CACNA2D2: variants seen among roughly 807,000 people sequenced by gnomAD.
The protein encoded by CACNA2D2 is calcium voltage-gated channel auxiliary subunit alpha2delta 2, also known as voltage-dependent calcium channel subunit alpha-2/delta-2.
Under a neutral mutation model 166.4 loss-of-function variants are expected in CACNA2D2, and 48 were observed. That is an observed-to-expected ratio of 0.29 (90% CI 0.23 to 0.37). CACNA2D2 has a LOEUF of 0.37. Ranked by LOEUF, CACNA2D2 falls within the 10% of genes least tolerant of loss-of-function variation. The probability of loss-of-function intolerance (pLI) is 1.00; values close to 1 mark genes in which losing one functional copy is unlikely to be tolerated. For synonymous variants in CACNA2D2, 561 were observed against 573.7 expected, an observed-to-expected ratio of 0.98 and a Z score of 0.32; for missense variants, 1,122 against 1,433.0, an observed-to-expected ratio of 0.78 and a Z score of 3.50.
intron 1 of CACNA2D2, among the ~76,000 whole-genome samples, chr3:50,494,541 A>C (rs917182617): frequency 2.0e-5 from 3 of 152,208 alleles, no homozygotes; most frequent in Admixed American, 2.0e-4. Flanking sequence ...CTGAAACAGC[A>C]CAGGGACATC....
At chr3:50,377,924 G>A in intron 15 of CACNA2D2, 84 bp downstream of exon 15, 3 of 1,511,820 alleles carry the variant, frequency 2.0e-6, no homozygotes, top group Non-Finnish European at 2.7e-6. Context: ...ACCCCATAAG[G>A]GGGCCCTCCA....
intron 4 of CACNA2D2, among the ~76,000 whole-genome samples, chr3:50,392,490 C>A (rs1575619494): frequency 6.6e-6 from 1 of 152,158 alleles, no homozygotes; most frequent in Admixed American, 6.5e-5. Context: ...TGAACAAGGC[C>A]GGGCCCAGGT....
chr3:50,392,223 T>C (rs1167508005), intron 4 of CACNA2D2, among the ~76,000 whole-genome samples: 1 of 152,186 alleles, frequency 6.6e-6, no homozygotes, highest in Non-Finnish European at 1.5e-5. Context: ...TCCCCTGGCA[T>C]GGACAGTCCC....
chr3:50,426,163 T>A (rs1707800138), intron 3 of CACNA2D2, among the ~76,000 whole-genome samples: 1 of 152,184 alleles, frequency 6.6e-6, no homozygotes, highest in Non-Finnish European at 1.5e-5. Flanking sequence ...AACTGTGACG[T>A]TGCCTCACCC....
intron 3 of CACNA2D2, among the ~76,000 whole-genome samples, chr3:50,421,867 A>G (rs1707579394): frequency 6.6e-6 from 1 of 152,024 alleles, no homozygotes; most frequent in Non-Finnish European, 1.5e-5. Flanking sequence ...AGTGACTGGG[A>G]ACTGCTCACT....
At chr3:50,447,599 C>G (rs1258450201) in intron 2 of CACNA2D2, among the ~76,000 whole-genome samples, 1 of 152,174 alleles carries the variant, frequency 6.6e-6, no homozygotes, top group Non-Finnish European at 1.5e-5. Context: ...GGAGACCCCT[C>G]AACAGAGGCT....
In CACNA2D2 at chr3:50,376,102, C is replaced by T. The variant is rs767739198; in HGVS notation, c.1701+12G>A. The T allele has an allele frequency of 1.6e-5, 26 of 1,613,416 alleles. No individual in the cohort carries two copies. In the South Asian group the frequency reaches 2.0e-4, roughly 12 times the overall value. ...AGGTTTGCCCACCCTCCAGGCCACC[C>T]GTCTGGCTCACCTGGGGCTTGAGAT... On this transcript the variant is annotated intron_variant, in intron 18 of 37. Coordinates refer to ENST00000424201, the MANE Select transcript of CACNA2D2 (RefSeq NM_006030.4). The surrounding 1 kb of genome is among the most constrained non-coding windows in gnomAD (Gnocchi z 4.3).
intron 3 of CACNA2D2, among the ~76,000 whole-genome samples, chr3:50,411,974 C>A (rs1270263040): frequency 1.3e-5 from 2 of 152,230 alleles, no homozygotes; most frequent in Non-Finnish European, 2.9e-5. Context: ...CCACAACCCC[C>A]AAACACCTTC....
chr3:50,368,285 C>G, intron 23 of CACNA2D2, 50 bp from the exon 24 acceptor site: 1 of 1,167,938 alleles, frequency 8.6e-7, no homozygotes, highest in Non-Finnish European at 1.3e-6. Flanking sequence ...CTGGACAGGG[C>G]AATGGGGTCA....
chr3:50,386,599 G>A (rs946580977), intron 5 of CACNA2D2, among the ~76,000 whole-genome samples: 10 of 152,146 alleles, frequency 6.6e-5, no homozygotes, highest in African/African-American at 9.7e-5. Flanking sequence ...GCCCTCCTGC[G>A]GCTCTCCCAG....
intron 22 of CACNA2D2, among the ~76,000 whole-genome samples, chr3:50,370,888 C>T (rs1013573699): frequency 6.6e-5 from 10 of 152,042 alleles, no homozygotes; most frequent in African/African-American, 9.7e-5. Flanking sequence ...CTTTCTTTGC[C>T]GCAGCTGTTT....
rs544568630 is a variant in CACNA2D2, at chr3:50,436,556, T to C, written c.289-2127A>G. Among the ~76,000 whole-genome samples, 6 of 152,286 alleles carry C rather than the reference T, an allele frequency of 3.9e-5. No homozygotes were observed. In the East Asian group the frequency reaches 9.6e-4, roughly 24 times the overall value. ...ACAGGTGACATGAGGCCTTGGAAGC[T>C]GAGACTCTGCCAAAAGTCACTCATC... On this transcript the variant is annotated intron_variant, in intron 2 of 37. Coordinates refer to ENST00000424201, the MANE Select transcript of CACNA2D2 (RefSeq NM_006030.4).
chr3:50,501,530 G>T (rs1016802324), intron 1 of CACNA2D2, among the ~76,000 whole-genome samples: 1 of 152,210 alleles, frequency 6.6e-6, no homozygotes, highest in African/African-American at 2.4e-5. Flanking sequence ...TGGGGACAGA[G>T]GGATAGGTGC....
Position 50,379,677 on chromosome 3 carries a change from G to A in CACNA2D2, c.993+48C>T, listed in dbSNP as rs1291265985. 6.2e-7 allele frequency: 1 copy of A among 1,611,830 alleles called. No individual in the cohort carries two copies. Among genetic ancestry groups the A allele is most frequent in the Non-Finnish European group, 8.5e-7 (1 of 1,178,522 alleles). On this transcript the variant is annotated intron_variant, in intron 10 of 37. Coordinates refer to ENST00000424201, the MANE Select transcript of CACNA2D2 (RefSeq NM_006030.4). The surrounding 1 kb of genome is among the most constrained non-coding windows in gnomAD (Gnocchi z 6.5). Reference sequence around the variant, plus strand: ...GGGCTGGTGATGGTCACAGGAGCAGGGCAGATGGGGTGACCCATTTCACCC... The same window carrying A: ...GGGCTGGTGATGGTCACAGGAGCAGAGCAGATGGGGTGACCCATTTCACCC...
At chr3:50,437,007 T>C (rs1195530411) in intron 2 of CACNA2D2, among the ~76,000 whole-genome samples, 1 of 152,176 alleles carries the variant, frequency 6.6e-6, no homozygotes, top group Non-Finnish European at 1.5e-5. Flanking sequence ...CTTCTCTCTC[T>C]CCCAAGCACC....
intron 1 of CACNA2D2, among the ~76,000 whole-genome samples, chr3:50,500,498 A>C (rs1366613873): frequency 6.6e-6 from 1 of 152,074 alleles, no homozygotes; most frequent in South Asian, 2.1e-4. Context: ...AAGAAGGGGG[A>C]CAGGGGAAGA....
At chr3:50,496,698 G>T (rs35053615) in intron 1 of CACNA2D2, among the ~76,000 whole-genome samples, 17,696 of 152,244 alleles carry the variant, frequency 0.12, 1,157 homozygotes, top group Non-Finnish European at 0.14. Flanking sequence ...CCAACCCTAT[G>T]TGGCAGTACA....
chr3:50,424,406 G>C (rs1437386359), intron 3 of CACNA2D2, among the ~76,000 whole-genome samples: 2 of 152,280 alleles, frequency 1.3e-5, no homozygotes, highest in East Asian at 3.9e-4. Flanking sequence ...GAGCCTGCCA[G>C]TGGGCAAGAC....
At chr3:50,416,386 C>A (rs989020533) in intron 3 of CACNA2D2, among the ~76,000 whole-genome samples, 1 of 152,218 alleles carries the variant, frequency 6.6e-6, no homozygotes, top group Non-Finnish European at 1.5e-5. Flanking sequence ...CGGCTGAGAC[C>A]TCTATTTCTC....
Sources: gnomAD v4.1 joint callset for allele counts (sites outside exome capture counted in the v4.1 genomes callset) on GRCh38, gnomAD v4.1.1 for gene constraint, Gnocchi (gnomAD v3.1) non-coding constraint, MANE v1.5 for transcripts, NCBI Gene and HGNC (gene_info 2026-07-23, HGNC 2026-07-21) for gene names.